PTBP3: variants seen among roughly 807,000 people sequenced by gnomAD.
PTBP3 encodes polypyrimidine tract binding protein 3, also known as polypyrimidine tract-binding protein 3.
Under a neutral mutation model 58.7 loss-of-function variants are expected in PTBP3, and 20 were observed. The observed-to-expected ratio is 0.34, with a 90% confidence interval of 0.24 to 0.50. PTBP3 has a LOEUF of 0.50. Among genes scored for constraint, PTBP3 ranks in the 20% least tolerant of loss-of-function variants. The pLI, the probability that PTBP3 is intolerant of heterozygous loss-of-function variation, is 0.98. For synonymous variants in PTBP3, 185 were observed against 219.8 expected, an observed-to-expected ratio of 0.84 and a Z score of 1.40; for missense variants, 509 against 637.2, an observed-to-expected ratio of 0.80 and a Z score of 2.17.
intron 1 of PTBP3, among the ~76,000 whole-genome samples, chr9:112,303,209 C>G (rs141386538): frequency 6.6e-6 from 1 of 151,898 alleles, no homozygotes; most frequent in African/African-American, 2.4e-5. Flanking sequence ...GCTTCAAGCA[C>G]TATCCCTTTG....
chr9:112,353,819 G>C, the PTBP3 span, among the ~76,000 whole-genome samples: 1 of 151,936 alleles, frequency 6.6e-6, no homozygotes, highest in Non-Finnish European at 1.5e-5. Context: ...TTAGCCAGGC[G>C]TGGTGGCTGG....
At chr9:112,351,454 A>G in the PTBP3 span, among the ~76,000 whole-genome samples, 1 of 152,190 alleles carries the variant, frequency 6.6e-6, no homozygotes, top group Admixed American at 6.5e-5. Flanking sequence ...CATCTGACTG[A>G]GGTAGTCTGT....
chr9:112,336,276 G>A (rs1030076984), upstream of PTBP3, among the ~76,000 whole-genome samples: 3 of 152,170 alleles, frequency 2.0e-5, no homozygotes, highest in African/African-American at 7.2e-5. Flanking sequence ...TATCATGAAT[G>A]TATGAGTATC....
At chr9:112,250,781 T>C (rs1276119640) in intron 7 of PTBP3, 148 bp downstream of exon 7, 1 of 620,620 alleles carries the variant, frequency 1.6e-6, no homozygotes, top group Non-Finnish European at 2.4e-6. Context: ...ATTTAATTAA[T>C]GGGTATACTT....
chr9:112,316,677 C>A (rs889273830), intron 1 of PTBP3, among the ~76,000 whole-genome samples: 3 of 152,210 alleles, frequency 2.0e-5, no homozygotes, highest in African/African-American at 7.2e-5. Context: ...CAGTGGCTCA[C>A]GCCTGTAATC....
At chr9:112,368,829 T>C in the PTBP3 span, among the ~76,000 whole-genome samples, 2 of 152,194 alleles carry the variant, frequency 1.3e-5, no homozygotes, top group Non-Finnish European at 2.9e-5. Flanking sequence ...GTCAGAGGTC[T>C]TCACGGCAGT....
chr9:112,355,793 T>C, the PTBP3 span, among the ~76,000 whole-genome samples: 1 of 152,002 alleles, frequency 6.6e-6, no homozygotes, highest in African/African-American at 2.4e-5. Flanking sequence ...CTAATTTTTG[T>C]ATTTTTTTGT....
chr9:112,231,981 GAAGAGAAGAGAAGAGAA>G (rs1835241278), intron 9 of PTBP3, 101 bp downstream of exon 9: 1 of 361,948 alleles, frequency 2.8e-6, no homozygotes, highest in African/African-American at 7.0e-5. Flanking sequence ...GAAGAGAAGA[GAAGAGAAGAGAAGAGAA>G]GAGAAGAGAA....
the PTBP3 span, among the ~76,000 whole-genome samples, chr9:112,352,341 G>A: frequency 6.6e-6 from 1 of 152,090 alleles, no homozygotes; most frequent in Non-Finnish European, 1.5e-5. Context: ...AGTGTCAGGA[G>A]GTCTGGCCTG....
chr9:112,222,863 A>T lies in PTBP3; in HGVS notation c.*988T>A, dbSNP rs1834852245. 1.1e-6 allele frequency: 1 copy of T among 893,568 alleles called. No individual in the cohort carries two copies. The highest frequency in any genetic ancestry group is 1.3e-6 in the Non-Finnish European group (1 of 746,138). 55.4% of individuals were successfully genotyped at this position (893,568 alleles called of 1,614,324 possible). On this transcript the variant is annotated 3_prime_UTR_variant, in exon 14 of 14. Transcript: ENST00000374257. ...TAAGTATTAGAGATTATAGTGGTAC[A>T]AAAAACCCTTGAGATTAATTTTTTT...
At chr9:112,260,700 G>A (rs1192187690) in intron 5 of PTBP3, among the ~76,000 whole-genome samples, 2 of 152,164 alleles carry the variant, frequency 1.3e-5, no homozygotes, top group Admixed American at 6.5e-5. Context: ...CCAGAAGAGT[G>A]TTAGGTAATG....
At position 112,222,996 on chromosome 9, in the gene PTBP3, A is replaced by T. The variant is rs1345389912; in HGVS notation, c.*855T>A. On this transcript the variant is annotated 3_prime_UTR_variant, in exon 14 of 14. Coordinates refer to ENST00000374257, the MANE Select transcript of PTBP3 (RefSeq NM_001163788.4). ...AAACTTTTTTTCTGAAAACAATTATAAAAAAGTAGTTTATAAGTAGGATTA... is the reference window on the plus strand; with the variant it reads ...AAACTTTTTTTCTGAAAACAATTATTAAAAAGTAGTTTATAAGTAGGATTA... The T allele has an allele frequency of 1.2e-6, 1 of 847,462 alleles. No individual in the cohort carries two copies. The highest frequency in any genetic ancestry group is 1.8e-5 in the African/African-American group (1 of 54,260). The allele number at this position is 847,462 out of a possible 1,614,324, so 52.5% of individuals were successfully genotyped here. A position where few individuals can be genotyped will look rare whatever the true frequency, so the allele number is the denominator to read the frequency against.
At chr9:112,315,521 C>A (rs1829666686) in intron 1 of PTBP3, among the ~76,000 whole-genome samples, 1 of 152,002 alleles carries the variant, frequency 6.6e-6, no homozygotes. Flanking sequence ...ATCACTTGAG[C>A]CCAGTTCAAG....
At chr9:112,288,934 T>C (rs1028934432) in intron 2 of PTBP3, among the ~76,000 whole-genome samples, 3 of 152,204 alleles carry the variant, frequency 2.0e-5, no homozygotes, top group Admixed American at 6.5e-5. Flanking sequence ...GAGAAACTAG[T>C]GTTTATTATT....
At chr9:112,354,191 T>G in the PTBP3 span, among the ~76,000 whole-genome samples, 4 of 152,198 alleles carry the variant, frequency 2.6e-5, no homozygotes, top group African/African-American at 9.7e-5. Flanking sequence ...TGTTTTATGT[T>G]TCCTGATTTG....
At chr9:112,321,253 C>T (rs140718067) in intron 1 of PTBP3, among the ~76,000 whole-genome samples, 5 of 152,038 alleles carry the variant, frequency 3.3e-5, no homozygotes, top group Non-Finnish European at 5.9e-5. Context: ...GAAAACTGGC[C>T]GGGCATGGTG....
At chr9:112,273,591 C>T (rs577920446) in intron 3 of PTBP3, among the ~76,000 whole-genome samples, 17 of 152,198 alleles carry the variant, frequency 1.1e-4, no homozygotes, top group African/African-American at 3.6e-4. Context: ...TATACAGAAC[C>T]GAAAATTTCA....
intron 3 of PTBP3, among the ~76,000 whole-genome samples, chr9:112,268,728 A>T (rs10981335): frequency 0.47 from 69,794 of 148,014 alleles, 17,309 homozygotes; most frequent in African/African-American, 0.57. Context: ...AAAAAAAAAA[A>T]AAAAAAAGGA....
Position 112,306,907 on chromosome 9 carries a change from T to C in PTBP3, c.-51-8991A>G, listed in dbSNP as rs10981352. Among the ~76,000 whole-genome samples the C allele has an allele frequency of 7.9e-3, 1,204 of 152,300 alleles. 12 individuals carry two copies. Among genetic ancestry groups the C allele is most frequent in the Middle Eastern group, 0.034 (10 of 294 alleles). On this transcript the variant is annotated intron_variant, in intron 1 of 13. Transcript: ENST00000374257. The stretch of plus-strand genomic sequence containing the variant: ...CTGGCCAAATTTGTAGTTAAATGAA[T>C]GCAACATCTTAACTGTCACATTCAA...
Sources: gnomAD v4.1 joint callset for allele counts (sites outside exome capture counted in the v4.1 genomes callset) on GRCh38, gnomAD v4.1.1 for gene constraint, MANE v1.5 for transcripts, NCBI Gene and HGNC (gene_info 2026-07-23, HGNC 2026-07-21) for gene names.